SEMA3D: variants seen among roughly 807,000 people sequenced by gnomAD.
SEMA3D encodes semaphorin-3D.
In SEMA3D, 84 loss-of-function variants were observed where a neutral mutation model predicts 100.1. The observed-to-expected ratio is 0.84, with a 90% CI of 0.70 to 1.01. The LOEUF (loss-of-function observed/expected upper bound fraction) is 1.01. SEMA3D is among the 50% of genes least tolerant of loss of function. The pLI, the probability that SEMA3D is intolerant of heterozygous loss-of-function variation, is 0.00. For synonymous variants in SEMA3D, 312 were observed against 320.7 expected, an observed-to-expected ratio of 0.97 and a Z score of 0.29; for missense variants, 875 against 934.1, an observed-to-expected ratio of 0.94 and a Z score of 0.82.
At position 85,040,931 on chromosome 7, in the gene SEMA3D, A is replaced by G. The variant is rs915512574; in HGVS notation, c.977-189T>C. 8.2e-6 allele frequency: 3 copies of G among 365,158 alleles called. No individual in the cohort carries two copies. In the East Asian group the frequency reaches 1.4e-4, roughly 17 times the overall value. The allele number at this position is 365,158 out of a possible 1,614,324, so 22.6% of individuals were successfully genotyped here. A position where few individuals can be genotyped will look rare whatever the true frequency, so the allele number is the denominator to read the frequency against. On this transcript the variant is annotated intron_variant, in intron 10 of 18. Transcript: ENST00000284136. Reference sequence around the variant, plus strand: ...GACTATGTATGGTATGGTACAATTGATAATCTCCAAGGTAGTTTCCAATTG... The same window carrying G: ...GACTATGTATGGTATGGTACAATTGGTAATCTCCAAGGTAGTTTCCAATTG...
rs1181016963 is a variant in SEMA3D, at chr7:85,022,771, G to A, written c.1192-158C>T. Among the ~76,000 whole-genome samples, 6 of 151,740 alleles carry A rather than the reference G, an allele frequency of 4.0e-5. No homozygotes were observed. The East Asian group carries it at 5.8e-4, about 15-fold the overall frequency. ...ATGTGTACTTGTAAATAAATGCAGC[G>A]TGCCTCTAATAAATTTAAACCCAGT... On this transcript the variant is annotated intron_variant, in intron 12 of 18. Coordinates refer to ENST00000284136, the MANE Select transcript of SEMA3D (RefSeq NM_001384900.1).
chr7:85,114,968 C>T (rs1789195409), intron 3 of SEMA3D, among the ~76,000 whole-genome samples: 1 of 152,102 alleles, frequency 6.6e-6, no homozygotes, highest in African/African-American at 2.4e-5. Context: ...TCACAATTGA[C>T]TTTAAAAAAA....
rs529790192 is a variant in SEMA3D, at chr7:85,134,509, A to C, written c.-40-12578T>G. The stretch of plus-strand genomic sequence containing the variant: ...AATAACAGTTTAAAATATATTTCCA[A>C]GTGATAAGTAGATCATTCCCTAAAT... On this transcript the variant is annotated intron_variant, in intron 2 of 18. Coordinates refer to ENST00000284136, the MANE Select transcript of SEMA3D (RefSeq NM_001384900.1). Among the ~76,000 whole-genome samples, 5 of 152,188 alleles carry C rather than the reference A, an allele frequency of 3.3e-5. No homozygotes were observed. The East Asian group carries it at 9.6e-4, about 29-fold the overall frequency.
intron 4 of SEMA3D, among the ~76,000 whole-genome samples, chr7:85,087,046 C>CATA (rs1353999038): frequency 6.6e-6 from 1 of 152,162 alleles, no homozygotes; most frequent in African/African-American, 2.4e-5. Context: ...TAAAATGCCA[C>CATA]ATAAATCTTC....
chr7:85,026,915 G>A (rs1480964523), intron 12 of SEMA3D, among the ~76,000 whole-genome samples: 1 of 152,046 alleles, frequency 6.6e-6, no homozygotes, highest in African/African-American at 2.4e-5. Context: ...AACCCCTGCT[G>A]TTGAGAAGAT....
the SEMA3D span, among the ~76,000 whole-genome samples, chr7:85,231,494 C>G: frequency 1.1e-5 from 1 of 87,908 alleles, no homozygotes; most frequent in Non-Finnish European, 1.9e-5. Context: ...GTCACCCAGG[C>G]TGGAGTGCAG....
intron 3 of SEMA3D, among the ~76,000 whole-genome samples, chr7:85,102,334 C>A (rs1421489076): frequency 6.6e-6 from 1 of 151,960 alleles, no homozygotes; most frequent in East Asian, 1.9e-4. Context: ...ATGTCTCCTA[C>A]TCTGGAGTGT....
intron 4 of SEMA3D, among the ~76,000 whole-genome samples, chr7:85,091,435 T>G (rs1028939261): frequency 6.6e-6 from 1 of 151,136 alleles, no homozygotes; most frequent in Non-Finnish European, 1.5e-5. Context: ...AACTCAAAAG[T>G]CCAACTAAGT....
At chr7:85,187,907 C>A (rs957749045), upstream of SEMA3D, among the ~76,000 whole-genome samples, 1 of 152,136 alleles carries the variant, frequency 6.6e-6, no homozygotes, top group Non-Finnish European at 1.5e-5. Context: ...CATGGTAAAT[C>A]CTTTGTGATG....
At chr7:85,150,487 T>TAC (rs373484834) in intron 2 of SEMA3D, among the ~76,000 whole-genome samples, 44,390 of 135,854 alleles carry the variant, frequency 0.33, 7,894 homozygotes, top group South Asian at 0.43. Flanking sequence ...TATATATATA[T>TAC]ACACACACAC....
At position 84,998,696 on chromosome 7, in the gene SEMA3D, A is replaced by AAAG. The variant is rs1355580896; in HGVS notation, c.*741_*743dup. 2.0e-5 allele frequency: 3 copies of AAAG among 152,126 alleles called. No individual in the cohort carries two copies. Among genetic ancestry groups the AAAG allele is most frequent in the Non-Finnish European group, 2.9e-5 (2 of 68,018 alleles). The allele number at this position is 152,126 out of a possible 1,614,324, so 9.4% of individuals were successfully genotyped here. A position where few individuals can be genotyped will look rare whatever the true frequency, so the allele number is the denominator to read the frequency against. On this transcript the variant is annotated 3_prime_UTR_variant, in exon 19 of 19. Coordinates refer to ENST00000284136, the MANE Select transcript of SEMA3D (RefSeq NM_001384900.1). ...TTAAAATATTTTCCCATATCTTATT[A>AAAG]AAGTATTTATTAAGCATTCTGTCCC...
chr7:85,037,075 A>C (rs1475757330), intron 11 of SEMA3D, 42 bp from the exon 12 acceptor site: 3 of 1,593,168 alleles, frequency 1.9e-6, no homozygotes, highest in Admixed American at 3.4e-5. Context: ...TCACTGATGA[A>C]TTCAATAAAC....
At chr7:85,249,748 T>C in the SEMA3D span, among the ~76,000 whole-genome samples, 1 of 152,194 alleles carries the variant, frequency 6.6e-6, no homozygotes, top group Non-Finnish European at 1.5e-5. Context: ...ATTTTCCCTA[T>C]TGTATTCTTA....
chr7:85,249,421 CTA>C, the SEMA3D span, among the ~76,000 whole-genome samples: 1 of 152,102 alleles, frequency 6.6e-6, no homozygotes, highest in Admixed American at 6.5e-5. Context: ...GTAGGAAAAA[CTA>C]AGAAAATCTG....
chr7:85,152,430 C>T lies in SEMA3D; in HGVS notation c.-41+1178G>A, dbSNP rs542350521. ...TTAATAGTTTATAATCTGAGGACAA[C>T]ACTATGTCTGATTTGTGGAAGAAGA... is the stretch of plus-strand genomic sequence containing the variant. On this transcript the variant is annotated intron_variant, in intron 2 of 18. Coordinates refer to ENST00000284136, the MANE Select transcript of SEMA3D (RefSeq NM_001384900.1). Among the ~76,000 whole-genome samples the T allele has an allele frequency of 9.9e-5, 15 of 152,178 alleles. No homozygotes were observed. The South Asian group carries it at 2.9e-3, about 29-fold the overall frequency.
the SEMA3D span, among the ~76,000 whole-genome samples, chr7:85,244,708 CTTTTTTTTTT>C: frequency 8.2e-6 from 1 of 121,888 alleles, no homozygotes; most frequent in Non-Finnish European, 1.7e-5. Flanking sequence ...ACTGCACAAT[CTTTTTTTTTT>C]TTTTTTTTTT....
chr7:85,226,422 T>C, the SEMA3D span, among the ~76,000 whole-genome samples: 1 of 152,344 alleles, frequency 6.6e-6, no homozygotes, highest in Middle Eastern at 3.4e-3. Flanking sequence ...AAAACTAGCA[T>C]ATATGCATTC....
chr7:85,169,991 T>C (rs1791043030), intron 1 of SEMA3D, among the ~76,000 whole-genome samples: 2 of 151,790 alleles, frequency 1.3e-5, no homozygotes, highest in Non-Finnish European at 2.9e-5. Context: ...ATATGTGATC[T>C]GGTTTGGTAT....
intron 4 of SEMA3D, 123 bp from the exon 5 acceptor site, chr7:85,081,702 A>G: frequency 1.5e-6 from 1 of 645,752 alleles, no homozygotes; most frequent in Non-Finnish European, 2.7e-6. Flanking sequence ...TGTTAGAGTC[A>G]ATGTGGGAAA....
Sources: allele counts gnomAD v4.1 joint callset (sites outside exome capture counted in the v4.1 genomes callset), GRCh38; gene constraint gnomAD v4.1.1; transcripts MANE v1.5; gene names NCBI Gene and HGNC (gene_info 2026-07-23, HGNC 2026-07-21).